Variants in RNF34 observed in about 807,000 individuals in gnomAD.
The protein encoded by RNF34 is ring finger protein 34, also known as E3 ubiquitin-protein ligase RNF34.
In RNF34, 12 loss-of-function variants were observed where a neutral mutation model predicts 37.9. That is an observed-to-expected ratio of 0.32 (90% confidence interval 0.20 to 0.51). RNF34 has a LOEUF of 0.51. RNF34 is among the 20% of genes least tolerant of loss of function. The pLI is 0.97. For missense variants in RNF34, 362 were observed against 472.7 expected, an observed-to-expected ratio of 0.77 and a Z score of 2.17; for synonymous variants, 155 against 177.2, an observed-to-expected ratio of 0.87 and a Z score of 1.00.
chr12:121,401,637 C>T (rs1870007622), intron 1 of RNF34, among the ~76,000 whole-genome samples: 1 of 152,032 alleles, frequency 6.6e-6, no homozygotes, highest in Non-Finnish European at 1.5e-5. Flanking sequence ...TATATAATGC[C>T]TCGAAGAATC....
intron 1 of RNF34, among the ~76,000 whole-genome samples, chr12:121,400,871 T>C (rs964598258): frequency 2.6e-5 from 4 of 152,012 alleles, no homozygotes; most frequent in Non-Finnish European, 5.9e-5. Flanking sequence ...GATGAGAAGT[T>C]GAAGAAAAGG....
At chr12:121,405,149 C>G (rs1409085993) in intron 1 of RNF34, 1 of 152,268 alleles carries the variant, frequency 6.6e-6, no homozygotes, top group African/African-American at 2.4e-5. Flanking sequence ...GCTTCCTCTC[C>G]TTTGCTCCTA....
In RNF34 at chr12:121,400,191, C is replaced by A. The variant is rs782288414; in HGVS notation, c.-22C>A. ...GTGCTGAGTTTCCTGGTAGAGCCGGCCGAGCTGAGGCGGTCGCGGCCATGA... is the reference window on the plus strand; with the variant it reads ...GTGCTGAGTTTCCTGGTAGAGCCGGACGAGCTGAGGCGGTCGCGGCCATGA... On this transcript the variant is annotated 5_prime_UTR_variant, in exon 1 of 6. Transcript: ENST00000361234. 2 of 1,607,672 alleles carry A rather than the reference C, an allele frequency of 1.2e-6. No individual in the cohort carries two copies. The highest frequency in any genetic ancestry group is 2.2e-5 in the East Asian group (1 of 44,612).
chr12:121,403,645 G>A (rs532472791), intron 1 of RNF34, among the ~76,000 whole-genome samples: 1 of 152,154 alleles, frequency 6.6e-6, no homozygotes, highest in Non-Finnish European at 1.5e-5. Context: ...CATATAGTGG[G>A]TGAGTTCTCT....
chr12:121,423,538 C>A lies in RNF34; in HGVS notation c.1081C>A (p.Gln361Lys). Residue 361 changes from glutamine (Q) to lysine (K), a missense_variant, in exon 6 of 6, where the codon CAG becomes AAG. Transcript: ENST00000361234. This position sits in a 1 kb window ranked among gnomAD's most constrained non-coding sequence, Gnocchi z 4.3. ...KRMSECPICR[Q>K]YVVRAVHVFK... ...CATGAGTGAGTGTCCCATCTGCCGG[C>A]AGTATGTGGTGCGAGCCGTGCACGT... 1 of 1,614,134 alleles carries A rather than the reference C, an allele frequency of 6.2e-7. No homozygotes were observed.
chr12:121,407,647 A>G (rs1030159638), intron 1 of RNF34, among the ~76,000 whole-genome samples: 1 of 152,242 alleles, frequency 6.6e-6, no homozygotes, highest in Non-Finnish European at 1.5e-5. Flanking sequence ...TACTATCAGT[A>G]TGGAAGCAAT....
At position 121,423,697 on chromosome 12, in the gene RNF34, C is replaced by T; in HGVS notation, c.*121C>T. On this transcript the variant is annotated 3_prime_UTR_variant, in exon 6 of 6. Coordinates refer to ENST00000361234, the MANE Select transcript of RNF34 (RefSeq NM_025126.4). This position sits in a 1 kb window ranked among gnomAD's most constrained non-coding sequence, Gnocchi z 4.3. ...CTATTTTAAAACATTATTTTGACTA[C>T]TAAGTGGGGACAGAAAGATCCATCC... The T allele has an allele frequency of 1.2e-6, 1 of 845,528 alleles. No individual in the cohort carries two copies. Among genetic ancestry groups the T allele is most frequent in the Non-Finnish European group, 1.8e-6 (1 of 547,042 alleles). The allele number at this position is 845,528 out of a possible 1,614,324, so 52.4% of individuals were successfully genotyped here. A position where few individuals can be genotyped will look rare whatever the true frequency, so the allele number is the denominator to read the frequency against.
chr12:121,420,598 A>G lies in RNF34; in HGVS notation c.748A>G (p.Arg250Gly). ...TCAGAACCCCGGGCTCTCCAAGGAG[A>G]GAGTGAGAGCTTCACTGTCTGACTT... ...EDRNPGLSKE[R>G]VRASLSDLSS... The change falls in exon 5 of 6, where the codon AGA (arginine) becomes GGA (glycine). Residue 250 changes from arginine (R) to glycine (G), a missense_variant. Arg to Gly is a moderately radical substitution (Grantham distance 125). Coordinates refer to ENST00000361234, the MANE Select transcript of RNF34 (RefSeq NM_025126.4). 1.9e-6 allele frequency: 3 copies of G among 1,614,038 alleles called. No homozygotes were observed. Among genetic ancestry groups the G allele is most frequent in the Non-Finnish European group, 2.5e-6 (3 of 1,179,988 alleles).
At chr12:121,404,450 G>T (rs1029239062) in intron 1 of RNF34, among the ~76,000 whole-genome samples, 1 of 128,884 alleles carries the variant, frequency 7.8e-6, no homozygotes, top group East Asian at 2.4e-4. Flanking sequence ...GCTGGAGTGC[G>T]GTGGCACCAT....
intron 1 of RNF34, among the ~76,000 whole-genome samples, chr12:121,414,680 G>T (rs1243820133): frequency 6.6e-6 from 1 of 152,062 alleles, no homozygotes; most frequent in East Asian, 1.9e-4. Context: ...TGTTGTTGTT[G>T]TTGTTTTTTC....
chr12:121,411,883 G>T (rs782647439), intron 1 of RNF34, among the ~76,000 whole-genome samples: 1 of 152,166 alleles, frequency 6.6e-6, no homozygotes, highest in Non-Finnish European at 1.5e-5. Flanking sequence ...CTGCACTTCT[G>T]TTAACCCTGG....
intron 1 of RNF34, among the ~76,000 whole-genome samples, chr12:121,402,407 G>A (rs1593643454): frequency 6.6e-6 from 1 of 152,118 alleles, no homozygotes; most frequent in Non-Finnish European, 1.5e-5. Context: ...GTATATGTAC[G>A]GAATGGGTAT....
intron 1 of RNF34, among the ~76,000 whole-genome samples, chr12:121,400,798 C>T (rs1869913713): frequency 6.6e-6 from 1 of 152,142 alleles, no homozygotes; most frequent in East Asian, 1.9e-4. Context: ...ACTAGGTAAA[C>T]GCAGCAAGGA....
rs1871561886 is a variant in RNF34 at position 121,416,250 on chromosome 12, C to T, written c.98C>T (p.Ala33Val). 1.2e-6 allele frequency: 2 copies of T among 1,614,128 alleles called. No homozygotes were observed. The highest frequency in any genetic ancestry group is 4.5e-5 in the East Asian group (2 of 44,886). ...GTCAGGGGCCAGCAGTCAGCATTTG[C>T]AGGAGCCACCGGTCCATTCAGATTT... ...GAVRGQQSAF[A>V]GATGPFRFTP... Residue 33 changes from alanine (A) to valine (V), a missense_variant, in exon 2 of 6, where the codon GCA becomes GTA. Ala to Val is a moderately conservative substitution (Grantham distance 64). Coordinates refer to ENST00000361234, the MANE Select transcript of RNF34 (RefSeq NM_025126.4).
intron 1 of RNF34, 100 bp downstream of exon 1, chr12:121,400,318 C>G: frequency 7.1e-7 from 1 of 1,401,980 alleles, no homozygotes; most frequent in Non-Finnish European, 9.7e-7. Flanking sequence ...GTTACCTAGT[C>G]GTCATCTCGG....
rs1000932822 is a variant in RNF34 at position 121,423,222 on chromosome 12, G to A, written c.929-164G>A. The stretch of plus-strand genomic sequence containing the variant: ...TTATCATTGCCATTTCTAGTGGAGA[G>A]AACCAAAGTGCAGAGAAGTTGGGAT... On this transcript the variant is annotated intron_variant, in intron 5 of 5. Transcript: ENST00000361234. The surrounding 1 kb of genome is among the most constrained non-coding windows in gnomAD (Gnocchi z 4.3). 6.6e-6 allele frequency among the ~76,000 whole-genome samples: 1 copy of A among 152,200 alleles called. No individual in the cohort carries two copies. The highest frequency in any genetic ancestry group is 2.1e-4 in the South Asian group (1 of 4,830).
At chr12:121,412,230 C>CTTTT (rs560473770) in intron 1 of RNF34, among the ~76,000 whole-genome samples, 1 of 49,610 alleles carries the variant, frequency 2.0e-5, no homozygotes, top group South Asian at 9.5e-4. Flanking sequence ...CCCAACTAAT[C>CTTTT]TTTTTTTTTT....
chr12:121,416,661 T>C (rs1871601764), intron 2 of RNF34: 1 of 286,328 alleles, frequency 3.5e-6, no homozygotes, highest in South Asian at 4.2e-5. Context: ...AAGAAATTTG[T>C]TAGTCTGTAG....
chr12:121,401,527 T>C (rs926605523), intron 1 of RNF34, among the ~76,000 whole-genome samples: 1 of 152,168 alleles, frequency 6.6e-6, no homozygotes, highest in Non-Finnish European at 1.5e-5. Context: ...TAAAATATTA[T>C]TACAGCTTGA....
Sources: gnomAD v4.1 joint callset for allele counts (sites outside exome capture counted in the v4.1 genomes callset) on GRCh38, gnomAD v4.1.1 for gene constraint, Gnocchi (gnomAD v3.1) non-coding constraint, MANE v1.5 for transcripts, NCBI Gene and HGNC (gene_info 2026-07-23, HGNC 2026-07-21) for gene names.